The following FAM13B variants were observed in gnomAD, a reference collection of about 807,000 sequenced individuals.
The protein encoded by FAM13B is family with sequence similarity 13 member B.
Under a neutral mutation model 117.3 loss-of-function variants are expected in FAM13B, and 60 were observed. The observed-to-expected ratio is 0.51, with a 90% CI of 0.42 to 0.63. The LOEUF (loss-of-function observed/expected upper bound fraction) is 0.63, where lower values mean the gene tolerates loss of function less well. Among genes scored for constraint, FAM13B ranks in the 30% least tolerant of loss-of-function variants. FAM13B has a pLI of 0.00. For synonymous variants in FAM13B, 332 were observed against 356.1 expected, an observed-to-expected ratio of 0.93 and a Z score of 0.76; for missense variants, 972 against 1,091.9, an observed-to-expected ratio of 0.89 and a Z score of 1.55.
At chr5:138,016,071 CATAAGA>C (rs1785192002) in intron 4 of FAM13B, among the ~76,000 whole-genome samples, 1 of 152,140 alleles carries the variant, frequency 6.6e-6, no homozygotes, top group South Asian at 2.1e-4. Context: ...TGAATGTTAG[CATAAGA>C]ATAAGTAACA....
chr5:137,999,755 C>G (rs1045874113), intron 7 of FAM13B, among the ~76,000 whole-genome samples: 1 of 152,140 alleles, frequency 6.6e-6, no homozygotes, highest in Non-Finnish European at 1.5e-5. Flanking sequence ...GAGATCAAGG[C>G]AGCAGCAGAT....
intron 18 of FAM13B, among the ~76,000 whole-genome samples, chr5:137,947,351 T>A (rs910008156): frequency 6.6e-6 from 1 of 152,232 alleles, no homozygotes; most frequent in Non-Finnish European, 1.5e-5. Flanking sequence ...TGTCAAATAC[T>A]GTGATTTCAA....
chr5:137,973,228 T>C (rs1224680579), intron 10 of FAM13B, among the ~76,000 whole-genome samples: 2 of 152,006 alleles, frequency 1.3e-5, no homozygotes, highest in African/African-American at 4.8e-5. Flanking sequence ...GCTACAGTAA[T>C]CAAAACAGCA....
rs151201387 is a variant in FAM13B, at chr5:138,006,154, C to G, written c.848+836G>C. Among the ~76,000 whole-genome samples the G allele has an allele frequency of 9.8e-3, 1,485 of 152,270 alleles. 27 individuals carry two copies. The highest frequency in any genetic ancestry group is 0.034 in the African/African-American group (1,397 of 41,542). On this transcript the variant is annotated intron_variant, in intron 7 of 23. Transcript: ENST00000689681. ...CCTCATGATCTGCCCGTCTCGGCCT[C>G]CCAAAGTGCTGAGATTACAGGCGTC... is the stretch of plus-strand genomic sequence containing the variant.
At chr5:138,035,770 A>G (rs1242050224), upstream of FAM13B, among the ~76,000 whole-genome samples, 1 of 152,206 alleles carries the variant, frequency 6.6e-6, no homozygotes, top group Non-Finnish European at 1.5e-5. Context: ...TTAACTAATC[A>G]TAACCAAATC....
At chr5:138,018,142 T>C (rs1209952096) in intron 4 of FAM13B, among the ~76,000 whole-genome samples, 160 bp downstream of exon 4, 2 of 152,204 alleles carry the variant, frequency 1.3e-5, no homozygotes, top group African/African-American at 4.8e-5. Flanking sequence ...GGAAGTTGCC[T>C]TTCCTATGAC....
Position 138,048,005 on chromosome 5 carries a change from A to G in FAM13B, c.-203+3873T>C, listed in dbSNP as rs139720223. 4.3e-3 allele frequency among the ~76,000 whole-genome samples: 658 copies of G among 152,316 alleles called. 6 individuals are homozygous for G. The highest frequency in any genetic ancestry group is 0.015 in the African/African-American group (630 of 41,580). On this transcript the variant is annotated intron_variant, in intron 1 of 3. Coordinates refer to the FAM13B transcript ENST00000502471. ...TAGGTTTACAGAAAAGTTGCAAAAG[A>G]TAGTACAGAGAGTTCCAAGTTTCCC... is the stretch of plus-strand genomic sequence containing the variant.
At chr5:137,982,426 C>T (rs1308348456) in intron 10 of FAM13B, among the ~76,000 whole-genome samples, 1 of 152,024 alleles carries the variant, frequency 6.6e-6, no homozygotes, top group Non-Finnish European at 1.5e-5. Context: ...TGGTGGCAGG[C>T]ACCTGTAATC....
chr5:138,010,957 T>A (rs1318434902), intron 6 of FAM13B, 51 bp downstream of exon 6: 7 of 1,079,150 alleles, frequency 6.5e-6, no homozygotes, highest in Admixed American at 9.4e-5. Context: ...ATATTATTCT[T>A]AAAAAAAAAA....
At position 137,991,759 on chromosome 5, in the gene FAM13B, G is replaced by A. The variant is rs1385772344; in HGVS notation, c.849-3444C>T. ...TTTACTTGGCCCCAACCTCACACAT[G>A]AGAGATAAAATCAATTCTGGGTAGA... is the stretch of plus-strand genomic sequence containing the variant. On this transcript the variant is annotated intron_variant, in intron 7 of 23. Coordinates refer to ENST00000689681, the MANE Select transcript of FAM13B (RefSeq NM_001385994.1). Among the ~76,000 whole-genome samples the A allele has an allele frequency of 4.6e-5, 7 of 152,288 alleles. No individual in the cohort carries two copies. The South Asian group carries it at 1.2e-3, about 27-fold the overall frequency.
intron 6 of FAM13B, among the ~76,000 whole-genome samples, 162 bp downstream of exon 6, chr5:138,010,846 A>C (rs1261579519): frequency 6.6e-6 from 1 of 151,966 alleles, no homozygotes; most frequent in Non-Finnish European, 1.5e-5. Context: ...TCAGGAAAAA[A>C]ATCATGAATG....
chr5:137,987,844 T>A (rs944397038), intron 8 of FAM13B, among the ~76,000 whole-genome samples: 2 of 152,168 alleles, frequency 1.3e-5, no homozygotes, highest in African/African-American at 4.8e-5. Flanking sequence ...ATGTCACTAT[T>A]ATTACTGGGA....
chr5:138,033,368 G>C (rs780920468), upstream of FAM13B, among the ~76,000 whole-genome samples: 36 of 152,346 alleles, frequency 2.4e-4, no homozygotes, highest in Admixed American at 7.2e-4. Context: ...GGAACACAGA[G>C]ATCGCTTCTG....
At position 137,938,703 on chromosome 5, in the gene FAM13B, A is replaced by G. The variant is rs1760835041; in HGVS notation, c.*1522T>C. ...CACGGGTGAAATGTGAAGTACTAGA[A>G]CTGCTATTTATTATCAAACTACTTC... is the stretch of plus-strand genomic sequence containing the variant. On this transcript the variant is annotated 3_prime_UTR_variant, in exon 24 of 24. Transcript: ENST00000689681. The G allele has an allele frequency of 6.6e-6, 1 of 152,346 alleles. No individual in the cohort carries two copies. Among genetic ancestry groups the G allele is most frequent in the South Asian group, 2.1e-4 (1 of 4,802 alleles). The allele number at this position is 152,346 out of a possible 1,614,324, so 9.4% of individuals were successfully genotyped here.
chr5:137,974,979 C>G (rs2150440569), intron 10 of FAM13B, among the ~76,000 whole-genome samples: 1 of 152,290 alleles, frequency 6.6e-6, no homozygotes, highest in South Asian at 2.1e-4. Context: ...TTTATTGGAA[C>G]ACAGCCATGC....
intron 18 of FAM13B, 97 bp downstream of exon 18, chr5:137,948,858 A>G (rs1764141602): frequency 2.2e-6 from 2 of 898,010 alleles, no homozygotes; most frequent in Non-Finnish European, 3.4e-6. Flanking sequence ...GATTCAGGAA[A>G]ATCAGACTAC....
At chr5:137,982,696 C>T (rs576259933) in intron 10 of FAM13B, among the ~76,000 whole-genome samples, 65 of 152,242 alleles carry the variant, frequency 4.3e-4, no homozygotes, top group African/African-American at 1.5e-3. Context: ...ATTATTCATC[C>T]GCACCACTGT....
chr5:138,034,621 A>G (rs1013448389), upstream of FAM13B, among the ~76,000 whole-genome samples: 1 of 152,246 alleles, frequency 6.6e-6, no homozygotes, highest in Non-Finnish European at 1.5e-5. Flanking sequence ...TTAATTTCTC[A>G]GAGCCTATTT....
rs538533672 is a variant in FAM13B at position 137,973,075 on chromosome 5, C to G, written c.1180-10606G>C. Among the ~76,000 whole-genome samples, 49 of 152,274 alleles carry G rather than the reference C, an allele frequency of 3.2e-4. 1 individual carries two copies. Among genetic ancestry groups the G allele is most frequent in the Admixed American group, 2.8e-3 (43 of 15,306 alleles). Reference sequence around the variant, plus strand: ...TTCAATGCCATCCCCATCAAGCTACCAATGACTTTCTTCACAGAATTGGAA... The same window carrying G: ...TTCAATGCCATCCCCATCAAGCTACGAATGACTTTCTTCACAGAATTGGAA... On this transcript the variant is annotated intron_variant, in intron 10 of 23. Transcript: ENST00000689681.
Sources: gnomAD v4.1 joint callset for allele counts (sites outside exome capture counted in the v4.1 genomes callset) on GRCh38, gnomAD v4.1.1 for gene constraint, MANE v1.5 for transcripts, NCBI Gene and HGNC (gene_info 2026-07-23, HGNC 2026-07-21) for gene names.